The following CDIN1 variants were observed in gnomAD, a reference collection of about 807,000 sequenced individuals.
CDIN1 encodes CDAN1-interacting nuclease 1.
Under a neutral mutation model 45.3 loss-of-function variants are expected in CDIN1, and 33 were observed. The ratio of observed to expected loss-of-function variants is 0.73; its 90% CI spans 0.55 to 0.97. The LOEUF (loss-of-function observed/expected upper bound fraction) is 0.97, where lower values mean the gene tolerates loss of function less well. Among genes scored for constraint, CDIN1 ranks in the 50% least tolerant of loss-of-function variants. The pLI is 0.00. For missense variants in CDIN1, 303 were observed against 339.4 expected (o/e 0.89, Z 0.84); for synonymous variants, 118 against 124.4 (o/e 0.95, Z 0.34).
rs572639209 is a variant in CDIN1 at position 36,656,471 on chromosome 15, GATA to G, written c.274-1357_274-1355del. ...TTTTAGCAATTCACACTTCGTTAGT[GATA>G]ATAAGATCAGTCATTCTGTTCTCTC... On this transcript the variant is annotated intron_variant, in intron 4 of 10. Transcript: ENST00000566621. Among the ~76,000 whole-genome samples the G allele has an allele frequency of 4.6e-5, 7 of 152,212 alleles. No homozygotes were observed. The East Asian group carries it at 9.6e-4, about 21-fold the overall frequency.
At chr15:36,621,869 T>G (rs2039208883) in intron 1 of CDIN1, among the ~76,000 whole-genome samples, 1 of 146,670 alleles carries the variant, frequency 6.8e-6, no homozygotes, top group Non-Finnish European at 1.5e-5. Context: ...GACAACAAGT[T>G]CAGTTTTTTT....
intron 7 of CDIN1, among the ~76,000 whole-genome samples, chr15:36,692,646 T>G (rs1267787573): frequency 6.6e-6 from 1 of 152,210 alleles, no homozygotes; most frequent in Non-Finnish European, 1.5e-5. Context: ...CAGATTCTTA[T>G]TGCTTAAATG....
At chr15:36,632,458 G>C (rs1475309718) in intron 1 of CDIN1, among the ~76,000 whole-genome samples, 1 of 152,158 alleles carries the variant, frequency 6.6e-6, no homozygotes, top group Admixed American at 6.5e-5. Context: ...TCATGCCCAG[G>C]ACACCACACC....
chr15:36,784,358 G>T (rs1157697118), intron 10 of CDIN1, among the ~76,000 whole-genome samples: 2 of 152,166 alleles, frequency 1.3e-5, no homozygotes, highest in Non-Finnish European at 2.9e-5. Flanking sequence ...AGGCAGTTAA[G>T]CCAGTTATTC....
At chr15:36,699,216 AGCACTGAATTAACATATGTTTGTGG>A (rs371523946) in intron 8 of CDIN1, among the ~76,000 whole-genome samples, 7 of 151,628 alleles carry the variant, frequency 4.6e-5, no homozygotes, top group African/African-American at 1.7e-4. Flanking sequence ...TTTTTAATGT[AGCACTGAATTAACATATGTTTGTGG>A]TTGAAAAATG....
rs551638334 is a variant in CDIN1 at position 36,771,937 on chromosome 15, A to C, written c.717-36387A>C. Among the ~76,000 whole-genome samples the C allele has an allele frequency of 1.5e-3, 223 of 151,690 alleles. 1 individual carries two copies. Among genetic ancestry groups the C allele is most frequent in the African/African-American group, 5.2e-3 (216 of 41,394 alleles). On this transcript the variant is annotated intron_variant, in intron 10 of 10. Transcript: ENST00000566621. Reference sequence around the variant, plus strand: ...TGTGAGACTCAGTCTCAAAAAAAAAAAAAAAAGAAGATAGACTCACACAAA... The same window carrying C: ...TGTGAGACTCAGTCTCAAAAAAAAACAAAAAAGAAGATAGACTCACACAAA...
intron 1 of CDIN1, among the ~76,000 whole-genome samples, chr15:36,606,999 A>G (rs949895560): frequency 3.9e-5 from 6 of 152,214 alleles, no homozygotes; most frequent in Non-Finnish European, 7.3e-5. Context: ...TTAACTCTCT[A>G]CTACCATTTT....
chr15:36,806,084 C>T (rs975788396), intron 10 of CDIN1, among the ~76,000 whole-genome samples: 1 of 152,138 alleles, frequency 6.6e-6, no homozygotes, highest in African/African-American at 2.4e-5. Context: ...TTAATGAATC[C>T]TACTCAAAAT....
At chr15:36,614,463 G>A (rs1409657864) in intron 1 of CDIN1, among the ~76,000 whole-genome samples, 1 of 152,188 alleles carries the variant, frequency 6.6e-6, no homozygotes, top group African/African-American at 2.4e-5. Flanking sequence ...TCTTTAAAAA[G>A]CATGTTATGA....
intron 5 of CDIN1, among the ~76,000 whole-genome samples, chr15:36,677,742 A>G (rs2041699033): frequency 6.6e-6 from 1 of 152,188 alleles, no homozygotes; most frequent in Admixed American, 6.6e-5. Flanking sequence ...GAAGGCTTTA[A>G]TGGAGGAGGT....
chr15:36,799,523 G>A (rs1287072176), intron 10 of CDIN1: 1 of 152,128 alleles, frequency 6.6e-6, no homozygotes, highest in Non-Finnish European at 1.5e-5. Context: ...CATGGAGAAA[G>A]TTTAAAGGGC....
chr15:36,664,902 C>G (rs984730091), intron 5 of CDIN1, among the ~76,000 whole-genome samples: 5 of 152,110 alleles, frequency 3.3e-5, no homozygotes, highest in African/African-American at 4.8e-5. Context: ...CATGAGGGTG[C>G]TTTTTATATT....
intron 10 of CDIN1, among the ~76,000 whole-genome samples, chr15:36,722,985 G>GTGTGTGTGTGTGTGTT (rs111713255): frequency 1.0e-4 from 12 of 119,074 alleles, no homozygotes; most frequent in Admixed American, 1.6e-4. Flanking sequence ...GTGTGTGTGT[G>GTGTGTGTGTGTGTGTT]TTTCTCTCTC....
At chr15:36,792,926 G>A (rs8041016) in intron 10 of CDIN1, among the ~76,000 whole-genome samples, 130,618 of 151,996 alleles carry the variant, frequency 0.86, 59,666 homozygotes, top group Non-Finnish European at 1. Flanking sequence ...AAGCTGTGTC[G>A]TGCATGGCCA....
chr15:36,722,073 CT>C (rs2043441609), intron 10 of CDIN1, among the ~76,000 whole-genome samples: 1 of 152,058 alleles, frequency 6.6e-6, no homozygotes, highest in Non-Finnish European at 1.5e-5. Flanking sequence ...TGTTTTTTAA[CT>C]TTGAACAGAG....
chr15:36,617,502 G>A (rs1022049106), intron 1 of CDIN1: 3 of 872,472 alleles, frequency 3.4e-6, no homozygotes, highest in Non-Finnish European at 5.9e-6. Flanking sequence ...ATTTGTCAAA[G>A]AATCTTTACT....
chr15:36,808,293 G>C, intron 10 of CDIN1, 31 bp from the exon 11 acceptor site: 1 of 1,608,854 alleles, frequency 6.2e-7, no homozygotes, highest in Non-Finnish European at 8.5e-7. Flanking sequence ...TTGATACCAT[G>C]TGTGTGTGTT....
chr15:36,614,399 G>A (rs1055038317), intron 1 of CDIN1, among the ~76,000 whole-genome samples: 2 of 152,166 alleles, frequency 1.3e-5, no homozygotes, highest in African/African-American at 4.8e-5. Flanking sequence ...CTGGGCTAGA[G>A]GCTGAGCACC....
intron 1 of CDIN1, chr15:36,618,848 CCAAGTACTACAAAGCCATGGAGGG>C (rs1279735965): frequency 1.4e-5 from 12 of 870,962 alleles, no homozygotes; most frequent in Non-Finnish European, 2.2e-5. Context: ...AGTTTCTCCT[CCAAGTACTACAAAGCCATGGAGGG>C]CAAGTACTGC....
Sources: gnomAD v4.1 joint callset for allele counts (sites outside exome capture counted in the v4.1 genomes callset) on GRCh38, gnomAD v4.1.1 for gene constraint, MANE v1.5 for transcripts, NCBI Gene and HGNC (gene_info 2026-07-23, HGNC 2026-07-21) for gene names.